Variants in RAD51B observed in about 807,000 individuals in gnomAD.
RAD51B encodes the protein RAD51 paralog B, also known as DNA repair protein RAD51 homolog 2.
RAD51B carries 38 observed loss-of-function variants against 42.2 expected under a neutral mutation model. The ratio of observed to expected loss-of-function variants is 0.90; its 90% confidence interval spans 0.70 to 1.18. The LOEUF is 1.18. RAD51B is among the 50% of genes most tolerant of loss of function. The pLI, the probability that RAD51B is intolerant of heterozygous loss-of-function variation, is 0.00. For synonymous variants in RAD51B, 154 were observed against 145.2 expected, an observed-to-expected ratio of 1.06 and a Z score of -0.43; for missense variants, 373 against 400.7, an observed-to-expected ratio of 0.93 and a Z score of 0.59.
intron 8 of RAD51B, chr14:68,306,749 T>C (rs939905962): frequency 9.6e-6 from 4 of 414,526 alleles, no homozygotes; most frequent in Non-Finnish European, 2.0e-5. Context: ...AAGATGAACT[T>C]GCATGGCCGA....
At chr14:68,494,755 C>T (rs555686856) in intron 10 of RAD51B, among the ~76,000 whole-genome samples, 1 of 152,116 alleles carries the variant, frequency 6.6e-6, no homozygotes, top group African/African-American at 2.4e-5. Context: ...CAAGAAGGGT[C>T]GTGTTCTCTG....
At chr14:68,360,899 T>C (rs950545649) in intron 8 of RAD51B, among the ~76,000 whole-genome samples, 1 of 152,128 alleles carries the variant, frequency 6.6e-6, no homozygotes, top group Admixed American at 6.5e-5. Context: ...ACTGAGGGGG[T>C]AGACAGAGCA....
chr14:68,510,930 A>G (rs754072816), intron 10 of RAD51B, among the ~76,000 whole-genome samples: 39 of 152,204 alleles, frequency 2.6e-4, no homozygotes, highest in Non-Finnish European at 4.1e-4. Context: ...GCTCTGGGCT[A>G]GGGAAAATCA....
At chr14:68,042,518 C>T (rs746131218) in intron 7 of RAD51B, among the ~76,000 whole-genome samples, 7 of 152,078 alleles carry the variant, frequency 4.6e-5, no homozygotes, top group Non-Finnish European at 8.8e-5. Flanking sequence ...TATCCCTAAC[C>T]CAGATTTTTT....
In RAD51B at chr14:68,143,022, G is replaced by C. The variant is rs576004108; in HGVS notation, c.757-148862G>C. 6.6e-5 allele frequency among the ~76,000 whole-genome samples: 10 copies of C among 151,580 alleles called. No homozygotes were observed. The South Asian group carries it at 1.0e-3, about 16-fold the overall frequency. On this transcript the variant is annotated intron_variant, in intron 7 of 10. Coordinates refer to ENST00000471583, the MANE Select transcript of RAD51B (RefSeq NM_133510.4). ...AAAAGGCGCGGAGGGCGAGGGGGTG[G>C]GGGGGGAGTTATTATGCTGTCTGAG... is the stretch of plus-strand genomic sequence containing the variant.
At chr14:68,184,147 A>C (rs2079109315) in intron 7 of RAD51B, among the ~76,000 whole-genome samples, 1 of 151,320 alleles carries the variant, frequency 6.6e-6, no homozygotes, top group South Asian at 2.1e-4. Flanking sequence ...CTGTACTTGG[A>C]TGTCCCAGTG....
chr14:68,552,248 C>T (rs951190576), intron 10 of RAD51B, among the ~76,000 whole-genome samples: 6 of 152,154 alleles, frequency 3.9e-5, no homozygotes, highest in African/African-American at 9.7e-5. Flanking sequence ...TTGCGTCTTC[C>T]GCACTGTACT....
chr14:68,535,785 G>C (rs1015637391), intron 10 of RAD51B, among the ~76,000 whole-genome samples: 24 of 152,182 alleles, frequency 1.6e-4, no homozygotes, highest in African/African-American at 5.8e-4. Flanking sequence ...CTATTTCTGT[G>C]TGAAGCCTCT....
At chr14:68,488,199 C>CTTTTTTT (rs201866707) in intron 10 of RAD51B, among the ~76,000 whole-genome samples, 7 of 108,336 alleles carry the variant, frequency 6.5e-5, no homozygotes, top group African/African-American at 2.2e-4. Flanking sequence ...TAGGGTTTGT[C>CTTTTTTT]TTTTTTTTTT....
intron 10 of RAD51B, among the ~76,000 whole-genome samples, chr14:68,483,277 T>C (rs910063291): frequency 4.6e-5 from 7 of 152,196 alleles, no homozygotes; most frequent in Non-Finnish European, 8.8e-5. Context: ...TGTTTCCTTC[T>C]TCCATATTCA....
intron 11 of RAD51B, among the ~76,000 whole-genome samples, chr14:68,652,230 G>A (rs1034869657): frequency 8.2e-4 from 125 of 152,300 alleles, no homozygotes; most frequent in African/African-American, 2.9e-3. Context: ...CGCAGTCTGC[G>A]CTCCAGATGC....
At chr14:68,437,370 G>A (rs2085171306) in intron 9 of RAD51B, among the ~76,000 whole-genome samples, 1 of 152,120 alleles carries the variant, frequency 6.6e-6, no homozygotes, top group South Asian at 2.1e-4. Context: ...ACTTGATCGT[G>A]GTGAATTAAC....
chr14:68,622,374 T>C (rs1191642791), intron 10 of RAD51B, among the ~76,000 whole-genome samples: 1 of 152,174 alleles, frequency 6.6e-6, no homozygotes, highest in South Asian at 2.1e-4. Context: ...CCTGCAGGCA[T>C]GGTCTCTCTC....
intron 7 of RAD51B, among the ~76,000 whole-genome samples, chr14:68,079,818 A>T (rs2076886127): frequency 6.6e-6 from 1 of 152,246 alleles, no homozygotes; most frequent in African/African-American, 2.4e-5. Context: ...GAAAGATTTA[A>T]GGTGGCGTAT....
intron 7 of RAD51B, among the ~76,000 whole-genome samples, chr14:68,240,071 C>T (rs112350308): frequency 2.6e-5 from 4 of 152,200 alleles, no homozygotes; most frequent in African/African-American, 9.6e-5. Flanking sequence ...GTCCAGGAGC[C>T]GCAGCCTCAC....
intron 7 of RAD51B, among the ~76,000 whole-genome samples, chr14:67,980,707 A>G (rs1045556904): frequency 6.6e-6 from 1 of 152,228 alleles, no homozygotes; most frequent in Non-Finnish European, 1.5e-5. Context: ...AAAATTATTT[A>G]TATCACATAC....
At chr14:68,595,911 A>G (rs370280592) in exon 11 of RAD51B, 5 of 354,260 alleles carry the variant, frequency 1.4e-5, no homozygotes, top group Middle Eastern at 9.8e-4. Context: ...TCTCTGGGCA[A>G]TAAGATTATA....
chr14:68,333,260 G>A (rs2082383799), intron 8 of RAD51B, among the ~76,000 whole-genome samples: 1 of 150,628 alleles, frequency 6.6e-6, no homozygotes, highest in African/African-American at 2.4e-5. Context: ...TAGAAAAATA[G>A]ACGAGGGATA....
chr14:68,091,736 C>A (rs1383189636), intron 7 of RAD51B, among the ~76,000 whole-genome samples: 1 of 152,172 alleles, frequency 6.6e-6, no homozygotes, highest in Non-Finnish European at 1.5e-5. Flanking sequence ...GCTTTTGTGG[C>A]CATTGCTTTT....
Sources: allele counts gnomAD v4.1 joint callset (sites outside exome capture counted in the v4.1 genomes callset), GRCh38; gene constraint gnomAD v4.1.1; transcripts MANE v1.5; gene names NCBI Gene and HGNC (gene_info 2026-07-23, HGNC 2026-07-21).